Variants in SLCO6A1 observed in about 807,000 individuals in gnomAD.
SLCO6A1 encodes the protein solute carrier organic anion transporter family member 6A1.
In SLCO6A1, 65 loss-of-function variants were observed where a neutral mutation model predicts 72.7. The observed-to-expected ratio is 0.89, with a 90% CI of 0.73 to 1.10. SLCO6A1 has a LOEUF of 1.10. Ranked by LOEUF, SLCO6A1 falls within the 50% of genes least tolerant of loss-of-function variation. SLCO6A1 has a pLI of 0.00. For synonymous variants in SLCO6A1, 314 were observed against 298.2 expected (o/e 1.05, Z -0.55); for missense variants, 874 against 872.6 (o/e 1.00, Z -0.02).
intron 1 of SLCO6A1, among the ~76,000 whole-genome samples, chr5:102,482,557 A>G (rs1419257883): frequency 6.6e-6 from 1 of 152,214 alleles, no homozygotes. Flanking sequence ...AATGTTGTCT[A>G]CTACCACGAG....
At chr5:102,423,073 G>C (rs1351998877) in intron 7 of SLCO6A1, among the ~76,000 whole-genome samples, 2 of 152,142 alleles carry the variant, frequency 1.3e-5, no homozygotes, top group African/African-American at 4.8e-5. Flanking sequence ...ACAAGCAAAT[G>C]TTGAAGGATT....
chr5:102,407,695 G>C (rs1196890854), intron 9 of SLCO6A1, among the ~76,000 whole-genome samples: 1 of 152,160 alleles, frequency 6.6e-6, no homozygotes, highest in Non-Finnish European at 1.5e-5. Flanking sequence ...ATTCTCTGTT[G>C]CTGACACTGA....
chr5:102,456,790 G>A (rs1298764007), intron 6 of SLCO6A1, among the ~76,000 whole-genome samples: 10 of 152,082 alleles, frequency 6.6e-5, no homozygotes, highest in Non-Finnish European at 1.5e-4. Flanking sequence ...AGCCCTCATT[G>A]CCAAGACAAT....
At chr5:102,436,827 C>G (rs1365145188) in intron 7 of SLCO6A1, among the ~76,000 whole-genome samples, 1 of 152,192 alleles carries the variant, frequency 6.6e-6, no homozygotes, top group Non-Finnish European at 1.5e-5. Context: ...TAACTTACAG[C>G]AATCTTTTGA....
intron 7 of SLCO6A1, among the ~76,000 whole-genome samples, chr5:102,432,488 T>C (rs1196763806): frequency 1.3e-5 from 2 of 152,216 alleles, no homozygotes; most frequent in Non-Finnish European, 2.9e-5. Flanking sequence ...TCTACTTCAC[T>C]TATGAAGCTT....
intron 11 of SLCO6A1, among the ~76,000 whole-genome samples, chr5:102,389,361 G>C (rs1000360517): frequency 2.0e-5 from 3 of 149,948 alleles, no homozygotes; most frequent in Non-Finnish European, 4.4e-5. Flanking sequence ...CTGCCTGAGG[G>C]AAACCTCTAC....
In SLCO6A1 at chr5:102,411,974, G is replaced by A. The variant is rs189015921; in HGVS notation, c.1626+1016C>T. On this transcript the variant is annotated intron_variant, in intron 9 of 13. Coordinates refer to ENST00000506729, the MANE Select transcript of SLCO6A1 (RefSeq NM_173488.5). ...GAATAGGAAATATTTGTCATCTGTT[G>A]TCTCTTAGGGTAGCCACTATGAGAC... Among the ~76,000 whole-genome samples, 418 of 152,174 alleles carry A rather than the reference G, an allele frequency of 2.7e-3. 2 individuals are homozygous for A. The highest frequency in any genetic ancestry group is 9.7e-3 in the African/African-American group (404 of 41,524).
At chr5:102,386,965 T>C (rs1022773008) in intron 12 of SLCO6A1, among the ~76,000 whole-genome samples, 4 of 152,206 alleles carry the variant, frequency 2.6e-5, no homozygotes, top group Admixed American at 6.5e-5. Context: ...GAAATTATAC[T>C]TCCTACCCTC....
In SLCO6A1 at chr5:102,420,078, A is replaced by G. The variant is rs1384175976; in HGVS notation, c.1277-57T>C. 2.4e-5 allele frequency: 32 copies of G among 1,326,158 alleles called. No individual in the cohort carries two copies. The South Asian group carries it at 4.2e-4, about 17-fold the overall frequency. The allele number at this position is 1,326,158 out of a possible 1,614,324, so 82.1% of individuals were successfully genotyped here. On this transcript the variant is annotated intron_variant, in intron 7 of 13. Coordinates refer to ENST00000506729, the MANE Select transcript of SLCO6A1 (RefSeq NM_173488.5). ...AAATAATCAGCTGATAGTACAGATA[A>G]TACATACATTGATACAATTTCCTTT...
intron 12 of SLCO6A1, among the ~76,000 whole-genome samples, chr5:102,381,590 C>G (rs1746108366): frequency 6.6e-6 from 1 of 151,592 alleles, no homozygotes; most frequent in African/African-American, 2.4e-5. Context: ...GGATATACAC[C>G]CAGTAGTGAG....
intron 4 of SLCO6A1, among the ~76,000 whole-genome samples, chr5:102,472,994 C>T (rs1210263401): frequency 1.3e-5 from 2 of 151,972 alleles, no homozygotes; most frequent in Non-Finnish European, 2.9e-5. Context: ...TCAAAAACCT[C>T]CCAACAGAGG....
intron 1 of SLCO6A1, among the ~76,000 whole-genome samples, chr5:102,490,920 G>T (rs897820122): frequency 6.6e-6 from 1 of 152,134 alleles, no homozygotes; most frequent in Non-Finnish European, 1.5e-5. Flanking sequence ...GACTCAGGGG[G>T]TTGCCACAGC....
At chr5:102,438,926 C>T (rs183485065) in intron 6 of SLCO6A1, among the ~76,000 whole-genome samples, 165 bp from the exon 7 acceptor site, 11 of 152,018 alleles carry the variant, frequency 7.2e-5, no homozygotes, top group Non-Finnish European at 1.6e-4. Context: ...ATAGATCAGA[C>T]AGATCCAAAC....
At chr5:102,425,666 A>G (rs1054717525) in intron 7 of SLCO6A1, among the ~76,000 whole-genome samples, 1 of 152,218 alleles carries the variant, frequency 6.6e-6, no homozygotes, top group Admixed American at 6.5e-5. Flanking sequence ...GGATAGGAAG[A>G]ATCAATATCG....
At position 102,480,433 on chromosome 5, in the gene SLCO6A1, A is replaced by G; in HGVS notation, c.360T>C (p.Gly120=). ...TGACATCTATAAGACCAAACACCAC[A>G]CCTAAAATGTAAAAAGAAAAAGAGA... ...IFYCILLICQ[G]VVFGLIDVSI... is the part of the protein sequence containing the mutation. Residue 120 remains glycine, a splice_region_variant and synonymous_variant, in exon 2 of 14, where the codon GGT becomes GGC. Coordinates refer to ENST00000506729, the MANE Select transcript of SLCO6A1 (RefSeq NM_173488.5). 2 of 1,596,874 alleles carry G rather than the reference A, an allele frequency of 1.3e-6. No homozygotes were observed. Among genetic ancestry groups the G allele is most frequent in the Non-Finnish European group, 8.5e-7 (1 of 1,173,516 alleles).
At chr5:102,485,207 C>G (rs912956183) in intron 1 of SLCO6A1, among the ~76,000 whole-genome samples, 1 of 151,720 alleles carries the variant, frequency 6.6e-6, no homozygotes, top group South Asian at 2.1e-4. Context: ...GCTGAGATTG[C>G]ACCATTGCAT....
At chr5:102,373,186 C>T (rs916603775) in intron 13 of SLCO6A1, among the ~76,000 whole-genome samples, 151 bp downstream of exon 13, 29 of 151,472 alleles carry the variant, frequency 1.9e-4, no homozygotes, top group Non-Finnish European at 2.8e-4. Flanking sequence ...ATTTTAAACA[C>T]AGACTATATT....
intron 6 of SLCO6A1, 32 bp downstream of exon 6, chr5:102,458,350 T>C (rs1258796148): frequency 2.0e-6 from 3 of 1,491,678 alleles, no homozygotes; most frequent in Admixed American, 3.6e-5. Flanking sequence ...GTCAACTTAG[T>C]TGGATTGTTC....
At chr5:102,476,703 A>C (rs1309623506) in intron 3 of SLCO6A1, among the ~76,000 whole-genome samples, 1 of 152,016 alleles carries the variant, frequency 6.6e-6, no homozygotes, top group Non-Finnish European at 1.5e-5. Context: ...AATACATGAA[A>C]TATATTTAAT....
Sources: allele counts gnomAD v4.1 joint callset (sites outside exome capture counted in the v4.1 genomes callset), GRCh38; gene constraint gnomAD v4.1.1; transcripts MANE v1.5; gene names NCBI Gene and HGNC (gene_info 2026-07-23, HGNC 2026-07-21).